Variants in MARCHF6 observed in about 807,000 individuals in gnomAD.
MARCHF6 encodes membrane associated ring-CH-type finger 6.
MARCHF6 carries 31 observed loss-of-function variants against 133.7 expected under a neutral mutation model. That is an observed-to-expected ratio of 0.23 (90% CI 0.17 to 0.31). The LOEUF is 0.31. MARCHF6 is among the 10% of genes least tolerant of loss of function. The pLI is 1.00. For synonymous variants in MARCHF6, 395 were observed against 402.5 expected (o/e 0.98, Z 0.22); for missense variants, 723 against 1,121.6 (o/e 0.64, Z 5.08).
chr5:10,390,687 A>G (rs1179756696), intron 6 of MARCHF6, among the ~76,000 whole-genome samples, 187 bp downstream of exon 6: 6 of 152,158 alleles, frequency 3.9e-5, no homozygotes, highest in African/African-American at 1.4e-4. Context: ...TGGTATTACG[A>G]CTTTGCCTCT....
chr5:10,402,501 G>C, intron 13 of MARCHF6, 32 bp from the exon 14 acceptor site: 1 of 1,611,946 alleles, frequency 6.2e-7, no homozygotes, highest in East Asian at 2.2e-5. Flanking sequence ...CCTACATTTG[G>C]GTGATACTGA....
intron 7 of MARCHF6, among the ~76,000 whole-genome samples, chr5:10,392,132 G>T (rs377406614): frequency 6.6e-6 from 1 of 152,118 alleles, no homozygotes; most frequent in East Asian, 1.9e-4. Context: ...CTAATATTTT[G>T]TATTTTTAGT....
intron 14 of MARCHF6, 22 bp from the exon 15 acceptor site, chr5:10,403,385 T>TA: frequency 6.2e-7 from 1 of 1,605,738 alleles, no homozygotes; most frequent in Non-Finnish European, 8.5e-7. Context: ...AGATTTCTCT[T>TA]ACCTGTCCTC....
intron 4 of MARCHF6, among the ~76,000 whole-genome samples, chr5:10,383,827 A>G (rs765129770): frequency 1.3e-5 from 2 of 152,248 alleles, no homozygotes; most frequent in Non-Finnish European, 2.9e-5. Context: ...CTAAAATTCC[A>G]GATGATCTTA....
At position 10,390,509 on chromosome 5, in the gene MARCHF6, C is replaced by T. The variant is rs1235749701; in HGVS notation, c.576+9C>T. 1 of 1,609,740 alleles carries T rather than the reference C, an allele frequency of 6.2e-7. No individual in the cohort carries two copies. The highest frequency in any genetic ancestry group is 1.1e-5 in the South Asian group (1 of 90,576). ...GGCATCACCAAAATGAGGTAACTCC[C>T]CTACCCCAAAATTGATTTTACTTAG... is the stretch of plus-strand genomic sequence containing the variant. On this transcript the variant is annotated intron_variant, in intron 6 of 25. Coordinates refer to ENST00000274140, the MANE Select transcript of MARCHF6 (RefSeq NM_005885.4).
chr5:10,418,354 C>T (rs1319540302), intron 22 of MARCHF6, among the ~76,000 whole-genome samples: 22 of 145,124 alleles, frequency 1.5e-4, no homozygotes, highest in African/African-American at 4.6e-4. Context: ...CACTCCAGCC[C>T]GGGCGACAAG....
At chr5:10,403,143 A>T (rs951340821) in intron 14 of MARCHF6, among the ~76,000 whole-genome samples, 1 of 152,158 alleles carries the variant, frequency 6.6e-6, no homozygotes, top group African/African-American at 2.4e-5. Flanking sequence ...AACCAAGAAA[A>T]TTTTTTACAT....
At chr5:10,385,779 T>C (rs563181202) in intron 4 of MARCHF6, among the ~76,000 whole-genome samples, 3 of 152,334 alleles carry the variant, frequency 2.0e-5, no homozygotes, top group South Asian at 2.1e-4. Flanking sequence ...CCTTGAAATA[T>C]GTAAAGCATT....
intron 24 of MARCHF6, among the ~76,000 whole-genome samples, chr5:10,427,943 A>T (rs1269829604): frequency 1.3e-5 from 2 of 152,136 alleles, no homozygotes; most frequent in Non-Finnish European, 1.5e-5. Context: ...GGTGGCGCAC[A>T]CCTGTAATCT....
chr5:10,397,224 TG>T, intron 9 of MARCHF6, 68 bp from the exon 10 acceptor site: 1 of 1,150,828 alleles, frequency 8.7e-7, no homozygotes. Context: ...GCTAAATAAG[TG>T]GAATAGTCCA....
At chr5:10,398,283 CTT>C (rs1242464611) in intron 10 of MARCHF6, among the ~76,000 whole-genome samples, 1 of 152,274 alleles carries the variant, frequency 6.6e-6, no homozygotes, top group East Asian at 1.9e-4. Context: ...AAGCAGACGT[CTT>C]TAATAAGAAG....
intron 2 of MARCHF6, among the ~76,000 whole-genome samples, chr5:10,378,351 T>C (rs959818085): frequency 6.6e-5 from 10 of 152,142 alleles, no homozygotes; most frequent in African/African-American, 2.4e-4. Context: ...GATGAGGAAA[T>C]TGAAGCATGG....
Position 10,415,582 on chromosome 5 carries a change from A to G in MARCHF6, c.2061A>G (p.Leu687=). 6.2e-7 allele frequency: 1 copy of G among 1,614,194 alleles called. No individual in the cohort carries two copies. The highest frequency in any genetic ancestry group is 8.5e-7 in the Non-Finnish European group (1 of 1,180,030). ...CTTGTGGTCTCTATGTTTGCTGGCT[A>G]ACCATAAGGGCTGTGACGGTGATGG... ...TAACGLYVCW[L]TIRAVTVMVA... The change falls in exon 21 of 26, where the codon CTA becomes CTG. Residue 687 remains leucine, a synonymous_variant. Coordinates refer to ENST00000274140, the MANE Select transcript of MARCHF6 (RefSeq NM_005885.4).
intron 11 of MARCHF6, chr5:10,401,116 C>T: frequency 5.5e-6 from 2 of 360,800 alleles, no homozygotes; most frequent in Non-Finnish European, 1.0e-5. Context: ...GATTTTCTGT[C>T]CATCTCAAGA....
Position 10,433,769 on chromosome 5 carries a change from C to G in MARCHF6, c.*85C>G. 1 of 1,115,298 alleles carries G rather than the reference C, an allele frequency of 9.0e-7. No homozygotes were observed. Among genetic ancestry groups the G allele is most frequent in the Non-Finnish European group, 1.4e-6 (1 of 733,540 alleles). The allele number at this position is 1,115,298 out of a possible 1,614,324, so 69.1% of individuals were successfully genotyped here. On this transcript the variant is annotated 3_prime_UTR_variant, in exon 26 of 26. Coordinates refer to ENST00000274140, the MANE Select transcript of MARCHF6 (RefSeq NM_005885.4). ...CTTTGGAGATTTTTCCCAGTGATCT[C>G]TCAGCGTTGTTTTTAAGTTAAATGT...
intron 1 of MARCHF6, among the ~76,000 whole-genome samples, chr5:10,356,083 A>G (rs891990439): frequency 6.6e-6 from 1 of 152,200 alleles, no homozygotes. Flanking sequence ...AGTTGAAATA[A>G]CACTTAAAGG....
chr5:10,407,843 C>T (rs903003422), intron 17 of MARCHF6, among the ~76,000 whole-genome samples: 12 of 152,154 alleles, frequency 7.9e-5, no homozygotes, highest in African/African-American at 2.9e-4. Flanking sequence ...GTAATCCCAA[C>T]TACTCGGGAG....
intron 1 of MARCHF6, among the ~76,000 whole-genome samples, chr5:10,368,611 C>T (rs959818694): frequency 6.6e-6 from 1 of 152,064 alleles, no homozygotes; most frequent in Non-Finnish European, 1.5e-5. Context: ...AGTCTTGCTC[C>T]GTTGGTTGCC....
intron 1 of MARCHF6, among the ~76,000 whole-genome samples, chr5:10,367,778 AAAAC>A (rs1435364547): frequency 6.6e-6 from 1 of 152,178 alleles, no homozygotes; most frequent in African/African-American, 2.4e-5. Flanking sequence ...TTTAATTAAA[AAAAC>A]CACTATTGTT....
Sources: allele counts gnomAD v4.1 joint callset (sites outside exome capture counted in the v4.1 genomes callset), GRCh38; gene constraint gnomAD v4.1.1; transcripts MANE v1.5; gene names NCBI Gene and HGNC (gene_info 2026-07-23, HGNC 2026-07-21).